Variants in RGS22 observed in about 807,000 individuals in gnomAD.
RGS22 encodes regulator of G protein signaling 22.
In RGS22, 148 loss-of-function variants were observed where a neutral mutation model predicts 172.9. That is an observed-to-expected ratio of 0.86 (90% CI 0.75 to 0.98). RGS22 has a LOEUF of 0.98. RGS22 is among the 50% of genes least tolerant of loss of function. RGS22 has a pLI of 0.00. For synonymous variants in RGS22, 458 were observed against 480.2 expected (o/e 0.95, Z 0.60); for missense variants, 1,347 against 1,440.8 (o/e 0.93, Z 1.05).
chr8:100,085,019 C>G (rs1361928504), intron 3 of RGS22, among the ~76,000 whole-genome samples: 1 of 152,156 alleles, frequency 6.6e-6, no homozygotes, highest in Non-Finnish European at 1.5e-5. Flanking sequence ...AAACTAGAAA[C>G]TACCCAGAGA....
intron 23 of RGS22, among the ~76,000 whole-genome samples, chr8:99,966,735 G>C (rs1810775910): frequency 6.6e-6 from 1 of 152,126 alleles, no homozygotes; most frequent in Admixed American, 6.5e-5. Context: ...GATAAAATGA[G>C]AGTTTCAATG....
chr8:100,091,890 C>T (rs1812609032), intron 3 of RGS22: 1 of 152,106 alleles, frequency 6.6e-6, no homozygotes, highest in South Asian at 2.1e-4. Flanking sequence ...AACAAGAACT[C>T]CTTGAATATC....
intron 9 of RGS22, among the ~76,000 whole-genome samples, chr8:100,060,046 A>G (rs1809983713): frequency 6.6e-6 from 1 of 152,116 alleles, no homozygotes; most frequent in South Asian, 2.1e-4. Flanking sequence ...ATAAGTTTAC[A>G]GTTATCTTAA....
At position 100,041,921 on chromosome 8, in the gene RGS22, A is replaced by T; in HGVS notation, c.1824-5T>A. 1.3e-6 allele frequency: 2 copies of T among 1,563,634 alleles called. No individual in the cohort carries two copies. The highest frequency in any genetic ancestry group is 1.8e-6 in the Non-Finnish European group (2 of 1,136,240). On this transcript the variant is annotated splice_region_variant and splice_polypyrimidine_tract_variant and intron_variant, in intron 11 of 27. Transcript: ENST00000360863. Reference sequence around the variant, plus strand: ...CTTTCTGACATGTACTTTGACCTAAATTATAAGGATGAGAACTAAAATTAT... The same window carrying T: ...CTTTCTGACATGTACTTTGACCTAATTTATAAGGATGAGAACTAAAATTAT...
chr8:100,084,975 G>A (rs1812057620), intron 3 of RGS22, among the ~76,000 whole-genome samples: 1 of 152,158 alleles, frequency 6.6e-6, no homozygotes, highest in African/African-American at 2.4e-5. Context: ...TATTATGTCT[G>A]GTCTGGTTAT....
At chr8:99,996,697 A>G (rs1025029636) in intron 19 of RGS22, among the ~76,000 whole-genome samples, 167 bp from the exon 20 acceptor site, 1 of 152,170 alleles carries the variant, frequency 6.6e-6, no homozygotes, top group African/African-American at 2.4e-5. Flanking sequence ...GTGGTCAGGT[A>G]CCAAATTTTT....
chr8:100,029,290 G>C (rs1386997601), intron 14 of RGS22, among the ~76,000 whole-genome samples: 2 of 152,172 alleles, frequency 1.3e-5, no homozygotes, highest in Non-Finnish European at 2.9e-5. Flanking sequence ...TAAACTATGA[G>C]ATAATGATGT....
chr8:100,063,547 A>G lies in RGS22; in HGVS notation c.1221T>C (p.Tyr407=), dbSNP rs373041410. 61 of 1,614,060 alleles carry G rather than the reference A, an allele frequency of 3.8e-5. No homozygotes were observed. The African/African-American group carries it at 6.1e-4, about 16-fold the overall frequency. Residue 407 remains tyrosine (Y), a synonymous_variant, in exon 8 of 28, where the codon TAT becomes TAC. Transcript: ENST00000360863. The part of the protein sequence containing the change: ...RADWCISHRT[Y]DIGNRKEFER... ...CAAACTCCTTTCTATTGCCAATGTC[A>G]TAAGTCCTATGAGAAATACACCAGT...
At chr8:100,067,231 G>A (rs113492464) in intron 6 of RGS22, among the ~76,000 whole-genome samples, 98 of 152,268 alleles carry the variant, frequency 6.4e-4, no homozygotes, top group African/African-American at 2.2e-3. Context: ...AACATAGCAA[G>A]TCAAGCCACA....
At chr8:99,983,595 ATACCTTT>A (rs1812778519) in intron 21 of RGS22, among the ~76,000 whole-genome samples, 1 of 152,128 alleles carries the variant, frequency 6.6e-6, no homozygotes, top group Non-Finnish European at 1.5e-5. Context: ...GGCCATTTAT[ATACCTTT>A]TGAGAAGTAT....
At chr8:100,060,642 C>T (rs910913365) in intron 9 of RGS22, among the ~76,000 whole-genome samples, 1 of 151,492 alleles carries the variant, frequency 6.6e-6, no homozygotes, top group Non-Finnish European at 1.5e-5. Context: ...AGGAGAACTA[C>T]AAAACATTGC....
chr8:100,019,276 C>T (rs918898269), intron 14 of RGS22, among the ~76,000 whole-genome samples: 4 of 152,232 alleles, frequency 2.6e-5, no homozygotes, highest in African/African-American at 7.2e-5. Context: ...AGAAATAATA[C>T]CAAATGTTGT....
intron 22 of RGS22, among the ~76,000 whole-genome samples, chr8:99,981,558 G>A (rs897717279): frequency 2.0e-5 from 3 of 152,008 alleles, no homozygotes; most frequent in African/African-American, 7.2e-5. Flanking sequence ...GAAAAAAACT[G>A]CATTTAAGTT....
At chr8:99,967,793 C>A (rs1170340583) in intron 23 of RGS22, among the ~76,000 whole-genome samples, 1 of 152,164 alleles carries the variant, frequency 6.6e-6, no homozygotes, top group Non-Finnish European at 1.5e-5. Context: ...GACGGGGTGG[C>A]TGTGGGCGCA....
At chr8:100,017,177 T>C (rs1200619756) in intron 14 of RGS22, among the ~76,000 whole-genome samples, 3 of 151,966 alleles carry the variant, frequency 2.0e-5, no homozygotes, top group Admixed American at 1.3e-4. Flanking sequence ...TCTCATTATA[T>C]TGCCCAGGCT....
chr8:100,093,412 A>AAT, intron 3 of RGS22, 35 bp downstream of exon 3: 1 of 1,301,178 alleles, frequency 7.7e-7, no homozygotes, highest in Non-Finnish European at 1.1e-6. Context: ...TTGCTTTGAT[A>AAT]ATATATATTC....
chr8:99,977,567 C>G (rs1053440074), intron 23 of RGS22, among the ~76,000 whole-genome samples: 12 of 151,984 alleles, frequency 7.9e-5, no homozygotes, highest in Non-Finnish European at 1.0e-4. Flanking sequence ...AAGGATAAGG[C>G]GGATACTATC....
chr8:99,981,914 A>G, intron 22 of RGS22, 23 bp downstream of exon 22: 2 of 1,581,444 alleles, frequency 1.3e-6, no homozygotes, highest in Non-Finnish European at 1.7e-6. Context: ...AAATATGCTT[A>G]GCCACATGCC....
chr8:100,051,688 T>A (rs1278562398), intron 10 of RGS22, among the ~76,000 whole-genome samples: 5 of 37,882 alleles, frequency 1.3e-4, no homozygotes, highest in African/African-American at 8.6e-4. Flanking sequence ...TATACATATA[T>A]ATATTTATAT....
Sources: allele counts gnomAD v4.1 joint callset (sites outside exome capture counted in the v4.1 genomes callset), GRCh38; gene constraint gnomAD v4.1.1; transcripts MANE v1.5; gene names NCBI Gene and HGNC (gene_info 2026-07-23, HGNC 2026-07-21).